The following PARP12 variants were observed in gnomAD, a reference collection of about 807,000 sequenced individuals.
PARP12 encodes protein mono-ADP-ribosyltransferase PARP12.
A neutral mutation model predicts 72.4 loss-of-function variants in PARP12; 59 were observed. The observed-to-expected ratio is 0.81, with a 90% CI of 0.66 to 1.01. The LOEUF (loss-of-function observed/expected upper bound fraction) is 1.01, where lower values mean the gene tolerates loss of function less well. Ranked by LOEUF, PARP12 falls within the 50% of genes least tolerant of loss-of-function variation. The probability of loss-of-function intolerance (pLI) is 0.00; values close to 1 mark genes in which losing one functional copy is unlikely to be tolerated. For missense variants in PARP12, 851 were observed against 914.0 expected (o/e 0.93, Z 0.89); for synonymous variants, 403 against 371.4 (o/e 1.09, Z -0.98).
intron 5 of PARP12, 83 bp downstream of exon 5, chr7:140,046,799 AGT>A (rs3216987): frequency 0.093 from 78,716 of 844,274 alleles, 81 homozygotes; most frequent in East Asian, 0.16. Flanking sequence ...GGCTGCTCAC[AGT>A]GTGTGTGTGT....
intron 8 of PARP12, among the ~76,000 whole-genome samples, chr7:140,032,671 A>T (rs1815983864): frequency 6.6e-6 from 1 of 152,220 alleles, no homozygotes; most frequent in Non-Finnish European, 1.5e-5. Context: ...AAACAAAGTG[A>T]TTATCATGAT....
intron 8 of PARP12, among the ~76,000 whole-genome samples, chr7:140,032,945 C>CAAT (rs944371537): frequency 2.6e-5 from 4 of 151,976 alleles, no homozygotes; most frequent in Non-Finnish European, 5.9e-5. Context: ...TAGTCAAAAA[C>CAAT]AATAATAATA....
chr7:140,026,719 G>A (rs1477476757), intron 10 of PARP12, among the ~76,000 whole-genome samples: 1 of 152,094 alleles, frequency 6.6e-6, no homozygotes, highest in Non-Finnish European at 1.5e-5. Context: ...TGGTCAGTGG[G>A]TGCCCATCCT....
At chr7:140,040,354 G>T (rs554023869) in intron 6 of PARP12, among the ~76,000 whole-genome samples, 1 of 152,208 alleles carries the variant, frequency 6.6e-6, no homozygotes, top group Non-Finnish European at 1.5e-5. Context: ...GGTGGGAAAG[G>T]CAGGCAGGGC....
At chr7:140,056,539 T>C (rs1024069218) in intron 3 of PARP12, among the ~76,000 whole-genome samples, 4 of 152,112 alleles carry the variant, frequency 2.6e-5, no homozygotes, top group East Asian at 3.9e-4. Context: ...GGGGTGAAGA[T>C]AGGGGTGACT....
At chr7:140,061,992 G>A (rs917053635) in intron 1 of PARP12, among the ~76,000 whole-genome samples, 11 of 150,334 alleles carry the variant, frequency 7.3e-5, no homozygotes, top group African/African-American at 2.7e-4. Context: ...CCGGGGGGGG[G>A]GGGGTGTTCC....
intron 6 of PARP12, 72 bp downstream of exon 6, chr7:140,041,572 G>A (rs1816470090): frequency 8.2e-6 from 12 of 1,462,398 alleles, no homozygotes; most frequent in South Asian, 5.3e-5. Context: ...GCAACAATAT[G>A]GGGGCTCTTA....
intron 6 of PARP12, among the ~76,000 whole-genome samples, chr7:140,038,811 T>C (rs532786897): frequency 6.6e-5 from 10 of 151,956 alleles, no homozygotes; most frequent in Non-Finnish European, 1.2e-4. Context: ...AGAACAAAAG[T>C]GAGACAAGAC....
chr7:140,031,584 T>C (rs1815939529), intron 8 of PARP12, among the ~76,000 whole-genome samples: 2 of 152,276 alleles, frequency 1.3e-5, no homozygotes, highest in South Asian at 4.1e-4. Context: ...TGCTGGCACA[T>C]GGGTCAGAGA....
chr7:140,033,093 C>T (rs1391859754), intron 8 of PARP12: 1 of 722,114 alleles, frequency 1.4e-6, no homozygotes, highest in African/African-American at 1.9e-5. Flanking sequence ...GCTGGGACTA[C>T]AGGCGCACAG....
intron 1 of PARP12, among the ~76,000 whole-genome samples, chr7:140,058,315 TC>T (rs1258819846): frequency 2.8e-4 from 42 of 152,052 alleles, no homozygotes; most frequent in African/African-American, 8.0e-4. Flanking sequence ...ATTGAGACCA[TC>T]CTGGCTAACA....
rs1333026679 is a variant in PARP12, at chr7:140,062,703, A to G, written c.145T>C (p.Phe49Leu). 6 of 1,317,944 alleles carry G rather than the reference A, an allele frequency of 4.6e-6. No homozygotes were observed. Among genetic ancestry groups the G allele is most frequent in the African/African-American group, 3.1e-5 (2 of 64,536 alleles). 81.6% of individuals were successfully genotyped at this position (1,317,944 alleles called of 1,614,324 possible). Residue 49 changes from phenylalanine (F) to leucine (L), a missense_variant, in exon 1 of 12, where the codon TTC (phenylalanine) becomes CTC (leucine). Around this residue, in one of 3 missense-constraint regions of PARP12, gnomAD observed 492 missense variants for 489.3 expected, o/e 1.01. Transcript: ENST00000263549. The stretch of plus-strand genomic sequence containing the variant: ...CCGCCCGCCCGCACCGCCACCACGA[A>G]GCGCCCACGCTGCCGCAGCAGCCGC... ...LERLLRQRGR[F>L]VVAVRAGGAA...
Position 140,041,649 on chromosome 7 carries a change from T to C in PARP12, c.1177A>G (p.Arg393Gly), listed in dbSNP as rs764830427. 1 of 1,613,608 alleles carries C rather than the reference T, an allele frequency of 6.2e-7. No individual in the cohort carries two copies. Among genetic ancestry groups the C allele is most frequent in the South Asian group, 1.1e-5 (1 of 90,990 alleles). The change falls in exon 6 of 12, where the codon AGA becomes GGA. Residue 393 changes from arginine (R) to glycine (G), a missense_variant. Physicochemically the swap from Arg to Gly is moderately radical, Grantham distance 125 (BLOSUM62 -2). This residue lies in a region of PARP12 where 12 missense variants were observed against 28.6 expected (regional missense o/e 0.42). Coordinates refer to ENST00000263549, the MANE Select transcript of PARP12 (RefSeq NM_022750.4). ...CCTCTTTCCATCACACTTACCTGTC[T>C]TCCATATTCCTGCCAAGAACCAAAC... ...DEFGSWQEYG[R>G]QGTVHPVTTV... is the part of the protein sequence containing the mutation.
Position 140,037,795 on chromosome 7 carries a change from T to C in PARP12, c.1244A>G (p.Tyr415Cys), listed in dbSNP as rs778476468. 3.7e-6 allele frequency: 6 copies of C among 1,613,984 alleles called. No homozygotes were observed. The highest frequency in any genetic ancestry group is 4.2e-6 in the Non-Finnish European group (5 of 1,179,928). ...CTGGCCGTCAGACCCCGGTGTACAGTAGGCCAGGTAGGCCTTCTCCACGTC... is the reference window on the plus strand; with the variant it reads ...CTGGCCGTCAGACCCCGGTGTACAGCAGGCCAGGTAGGCCTTCTCCACGTC... ...SSDVEKAYLA[Y>C]CTPGSDGQAA... is the part of the protein sequence containing the mutation. The change falls in exon 7 of 12, where the codon TAC becomes TGC. Residue 415 changes from tyrosine (Y) to cysteine (C), a missense_variant. Around this residue, in one of 3 missense-constraint regions of PARP12, gnomAD observed 347 missense variants for 396.1 expected, o/e 0.88. Transcript: ENST00000263549.
intron 6 of PARP12, among the ~76,000 whole-genome samples, chr7:140,038,866 A>G (rs2116568248): frequency 6.6e-6 from 1 of 152,276 alleles, no homozygotes; most frequent in African/African-American, 2.4e-5. Flanking sequence ...GCAATGGAGA[A>G]GGGGAAAAAA....
chr7:140,026,114 T>TC, intron 11 of PARP12, 83 bp downstream of exon 11: 1 of 1,602,204 alleles, frequency 6.2e-7, no homozygotes. Flanking sequence ...CTCAGGCTGG[T>TC]CCCCTCATGC....
chr7:140,027,487 C>T (rs1278588935), intron 9 of PARP12, 81 bp from the exon 10 acceptor site: 16 of 1,533,992 alleles, frequency 1.0e-5, no homozygotes, highest in African/African-American at 1.4e-5. Context: ...TTCTTGTAAA[C>T]ACTAGAACCG....
chr7:140,024,731 G>A lies in PARP12; in HGVS notation c.1935C>T (p.Asn645=), dbSNP rs370502797. The A allele has an allele frequency of 2.4e-5, 39 of 1,614,070 alleles. No homozygotes were observed. The highest frequency in any genetic ancestry group is 2.8e-5 in the Non-Finnish European group (33 of 1,180,042). The change falls in exon 12 of 12, where the codon AAC becomes AAT. Residue 645 remains asparagine, a synonymous_variant. Coordinates refer to ENST00000263549, the MANE Select transcript of PARP12 (RefSeq NM_022750.4). Reference sequence around the variant, plus strand: ...TGTTCACGCAGCTATCATAGAAGGCGTTGCTCCAGCCCTCCTTGGCCGGCG... The same window carrying A: ...TGTTCACGCAGCTATCATAGAAGGCATTGCTCCAGCCCTCCTTGGCCGGCG... ...VRPPAKEGWS[N]AFYDSCVNSV...
Position 140,062,947 on chromosome 7 carries a change from G to T in PARP12, c.-100C>A. On this transcript the variant is annotated 5_prime_UTR_variant, in exon 1 of 12. Coordinates refer to ENST00000263549, the MANE Select transcript of PARP12 (RefSeq NM_022750.4). The stretch of plus-strand genomic sequence containing the variant: ...TCTCGCAGGGTGGAGACGCCGGCGG[G>T]AAACGAAACCGAAAGCGGCCCCGGG... The T allele has an allele frequency of 3.0e-6, 3 of 1,009,400 alleles. No individual in the cohort carries two copies. The allele number at this position is 1,009,400 out of a possible 1,614,324, so 62.5% of individuals were successfully genotyped here. A position where few individuals can be genotyped will look rare whatever the true frequency, so the allele number is the denominator to read the frequency against.
Sources: gnomAD v4.1 joint callset for allele counts (sites outside exome capture counted in the v4.1 genomes callset) on GRCh38, gnomAD v4.1.1 for gene constraint, gnomAD v4.1.1 regional missense constraint, MANE v1.5 for transcripts, NCBI Gene and HGNC (gene_info 2026-07-23, HGNC 2026-07-21) for gene names.